OSBPL10: variants seen among roughly 807,000 people sequenced by gnomAD.
OSBPL10 encodes oxysterol-binding protein-related protein 10.
Under a neutral mutation model 81.7 loss-of-function variants are expected in OSBPL10, and 49 were observed. The observed-to-expected ratio is 0.60, with a 90% CI of 0.48 to 0.76. The LOEUF (loss-of-function observed/expected upper bound fraction) is 0.76. Ranked by LOEUF, OSBPL10 falls within the 30% of genes least tolerant of loss-of-function variation. The pLI is 0.00. For synonymous variants in OSBPL10, 419 were observed against 383.6 expected, an observed-to-expected ratio of 1.09 and a Z score of -1.08; for missense variants, 923 against 987.8, an observed-to-expected ratio of 0.93 and a Z score of 0.88.
At position 31,668,695 on chromosome 3, in the gene OSBPL10, T is replaced by C. The variant is rs76591300; in HGVS notation, c.2043A>G (p.Pro681=). 1,075 of 1,614,142 alleles carry C rather than the reference T, an allele frequency of 6.7e-4. 6 individuals are homozygous for C. The African/African-American group carries it at 0.013, about 20-fold the overall frequency. ...GAGGTCTGATCTTCTTGGGATACACTGGCAGTGTGGTTGTGTCGATGACTT... is the reference window on the plus strand; with the variant it reads ...GAGGTCTGATCTTCTTGGGATACACCGGCAGTGTGGTTGTGTCGATGACTT... ...ETKVIDTTTL[P]VYPKKIRPLE... is the part of the protein sequence containing the mutation. The change falls in exon 10 of 12, where the codon CCA becomes CCG. Residue 681 remains proline (P), a synonymous_variant. Coordinates refer to ENST00000396556, the MANE Select transcript of OSBPL10 (RefSeq NM_017784.5).
chr3:31,708,425 T>A (rs140531075), intron 6 of OSBPL10, among the ~76,000 whole-genome samples: 1 of 152,130 alleles, frequency 6.6e-6, no homozygotes, highest in African/African-American at 2.4e-5. Context: ...AGAAGCCCCA[T>A]CTAACAGGCA....
intron 2 of OSBPL10, among the ~76,000 whole-genome samples, chr3:31,878,848 T>TGC (rs1701550706): frequency 1.3e-5 from 2 of 150,398 alleles, no homozygotes; most frequent in African/African-American, 4.9e-5. Context: ...TGTGTGTGTG[T>TGC]GCATGCACTT....
intron 4 of OSBPL10, among the ~76,000 whole-genome samples, chr3:31,766,364 C>T (rs185970777): frequency 8.1e-5 from 11 of 136,532 alleles, no homozygotes; most frequent in Non-Finnish European, 1.4e-4. Flanking sequence ...TTTTGAGACA[C>T]GGTCTCACTT....
intron 3 of OSBPL10, among the ~76,000 whole-genome samples, chr3:31,863,222 A>G (rs1307542261): frequency 6.6e-6 from 1 of 152,192 alleles, no homozygotes; most frequent in African/African-American, 2.4e-5. Context: ...AGGCAAATCC[A>G]TAGAGACAGT....
intron 6 of OSBPL10, chr3:31,732,687 G>A (rs896395266): frequency 1.3e-5 from 2 of 152,836 alleles, no homozygotes; most frequent in African/African-American, 4.8e-5. Flanking sequence ...GAGAGTCCAT[G>A]AAGCCTGTTG....
chr3:31,966,400 TAA>T (rs1319773525), intron 1 of OSBPL10, among the ~76,000 whole-genome samples: 1 of 151,360 alleles, frequency 6.6e-6, no homozygotes, highest in South Asian at 2.1e-4. Context: ...CTTAGGAAAC[TAA>T]AAAACTATAT....
At chr3:32,034,136 G>T (rs1699498225) in intron 2 of OSBPL10, among the ~76,000 whole-genome samples, 2 of 152,100 alleles carry the variant, frequency 1.3e-5, no homozygotes, top group African/African-American at 4.8e-5. Context: ...CAGGAGAACG[G>T]CATAGGGGAA....
intron 3 of OSBPL10, among the ~76,000 whole-genome samples, chr3:31,856,014 A>G (rs1319392999): frequency 6.6e-6 from 1 of 150,958 alleles, no homozygotes; most frequent in Non-Finnish European, 1.5e-5. Context: ...TTTTTTCCTA[A>G]AAATATATAT....
chr3:31,792,108 G>A (rs7629570), intron 4 of OSBPL10, among the ~76,000 whole-genome samples: 4 of 151,752 alleles, frequency 2.6e-5, no homozygotes, highest in South Asian at 2.1e-4. Context: ...GCACATCTGC[G>A]GTCCCAGCTA....
chr3:31,709,670 G>A (rs1696191543), intron 6 of OSBPL10, among the ~76,000 whole-genome samples: 1 of 152,142 alleles, frequency 6.6e-6, no homozygotes, highest in Admixed American at 6.5e-5. Flanking sequence ...GAAGGGGTAG[G>A]CAACAATTTT....
chr3:31,851,931 G>C lies in OSBPL10; in HGVS notation c.538-21700C>G, dbSNP rs116597740. On this transcript the variant is annotated intron_variant, in intron 3 of 11. Coordinates refer to ENST00000396556, the MANE Select transcript of OSBPL10 (RefSeq NM_017784.5). The stretch of plus-strand genomic sequence containing the variant: ...GTCTCAAAGACATGATGGATAGGCT[G>C]TCTTGCATCTGGCAAAGAGAACAAG... 1.8e-3 allele frequency among the ~76,000 whole-genome samples: 277 copies of C among 152,294 alleles called. 2 individuals carry two copies. The highest frequency in any genetic ancestry group is 6.4e-3 in the African/African-American group (268 of 41,556).
rs1559557398 is a variant in OSBPL10, at chr3:32,066,007, GA to G, written n.185+11388del. ...AGAAAGAAAGAAAGAAAGAAAGAAA[GA>G]GAAAGAAAGAAAGAAAGAGAGAGAG... On this transcript the variant is annotated intron_variant and non_coding_transcript_variant, in intron 1 of 3. Transcript: ENST00000479173. 1.1e-4 allele frequency among the ~76,000 whole-genome samples: 5 copies of G among 46,094 alleles called. 1 individual carries two copies. Among genetic ancestry groups the G allele is most frequent in the African/African-American group, 2.4e-4 (5 of 21,102 alleles). The allele number at this position is 46,094 out of a possible 152,430, so 30.2% of individuals were successfully genotyped here. A position where few individuals can be genotyped will look rare whatever the true frequency, so the allele number is the denominator to read the frequency against.
At chr3:31,963,796 G>A (rs1020413614) in intron 1 of OSBPL10, among the ~76,000 whole-genome samples, 1 of 151,516 alleles carries the variant, frequency 6.6e-6, no homozygotes, top group Non-Finnish European at 1.5e-5. Context: ...ATGCTTTCTT[G>A]TAACAAAATT....
At position 31,879,724 on chromosome 3, in the gene OSBPL10, A is replaced by T. The variant is rs774952930; in HGVS notation, c.388T>A (p.Ser130Thr). The T allele has an allele frequency of 6.2e-7, 1 of 1,614,170 alleles. No individual in the cohort carries two copies. The highest frequency in any genetic ancestry group is 1.1e-5 in the South Asian group (1 of 91,078). ...GVLSLSGAIV[S>T]LSDEAPHMLV... ...ATGTGGGGAGCTTCATCGCTCAGGGACACTATGGCTCCAGATAAAGACAGG... is the reference window on the plus strand; with the variant it reads ...ATGTGGGGAGCTTCATCGCTCAGGGTCACTATGGCTCCAGATAAAGACAGG... Residue 130 changes from serine (S) to threonine (T), a missense_variant, in exon 2 of 12, where the codon TCC becomes ACC. Physicochemically the swap from Ser to Thr is moderately conservative, Grantham distance 58. Coordinates refer to ENST00000396556, the MANE Select transcript of OSBPL10 (RefSeq NM_017784.5).
chr3:31,964,706 C>T (rs1698264317), intron 1 of OSBPL10, among the ~76,000 whole-genome samples: 1 of 152,132 alleles, frequency 6.6e-6, no homozygotes, highest in African/African-American at 2.4e-5. Context: ...AAATAAACAA[C>T]ACCCTGGCCT....
At chr3:32,056,450 T>C (rs2125438234) in intron 1 of OSBPL10, among the ~76,000 whole-genome samples, 1 of 152,356 alleles carries the variant, frequency 6.6e-6, no homozygotes, top group Non-Finnish European at 1.5e-5. Context: ...TGCTTTACTC[T>C]TGTGGAGTAT....
chr3:31,962,807 C>T (rs1698205209), intron 1 of OSBPL10, among the ~76,000 whole-genome samples: 1 of 152,188 alleles, frequency 6.6e-6, no homozygotes, highest in Non-Finnish European at 1.5e-5. Context: ...TGGGAAAAGC[C>T]AATGCCAAAA....
At chr3:31,934,651 C>A (rs1226463264) in intron 1 of OSBPL10, among the ~76,000 whole-genome samples, 1 of 151,386 alleles carries the variant, frequency 6.6e-6, no homozygotes, top group African/African-American at 2.4e-5. Context: ...AGGTGATCCA[C>A]CCGCCTCGGC....
intron 2 of OSBPL10, among the ~76,000 whole-genome samples, chr3:31,988,222 T>G (rs1698964038): frequency 6.6e-6 from 1 of 152,198 alleles, no homozygotes; most frequent in Non-Finnish European, 1.5e-5. Flanking sequence ...AACCAGTCTC[T>G]TTAGTTTCAC....
Sources: gnomAD v4.1 joint callset for allele counts (sites outside exome capture counted in the v4.1 genomes callset) on GRCh38, gnomAD v4.1.1 for gene constraint, MANE v1.5 for transcripts, NCBI Gene and HGNC (gene_info 2026-07-23, HGNC 2026-07-21) for gene names.